The following MRTFB variants were observed in gnomAD, a reference collection of about 807,000 sequenced individuals.
MRTFB encodes myocardin related transcription factor B, also known as myocardin-related transcription factor B.
Under a neutral mutation model 104.2 loss-of-function variants are expected in MRTFB, and 29 were observed. That is an observed-to-expected ratio of 0.28 (90% CI 0.21 to 0.38). The LOEUF (loss-of-function observed/expected upper bound fraction) is 0.38. Ranked by LOEUF, MRTFB falls within the 10% of genes least tolerant of loss-of-function variation. The probability of loss-of-function intolerance (pLI) is 1.00; values close to 1 mark genes in which losing one functional copy is unlikely to be tolerated. For missense variants in MRTFB, 1,270 were observed against 1,341.6 expected (o/e 0.95, Z 0.83); for synonymous variants, 535 against 519.5 (o/e 1.03, Z -0.41).
intron 10 of MRTFB, among the ~76,000 whole-genome samples, chr16:14,243,968 C>G (rs2042901933): frequency 6.6e-6 from 1 of 151,484 alleles, no homozygotes; most frequent in African/African-American, 2.4e-5. Context: ...CACACCACCT[C>G]CAGGGTTCAC....
rs529180581 is a variant in MRTFB, at chr16:14,087,214, T to G, written c.-64+7860T>G. Reference sequence around the variant, plus strand: ...CAAGAGTATTCTCATCTCAAAGTCTTAAGAGTAGAGTTTGGAAAGGGGAGG... The same window carrying G: ...CAAGAGTATTCTCATCTCAAAGTCTGAAGAGTAGAGTTTGGAAAGGGGAGG... On this transcript the variant is annotated intron_variant, in intron 2 of 16. Transcript: ENST00000571589. Among the ~76,000 whole-genome samples, 15 of 152,236 alleles carry G rather than the reference T, an allele frequency of 9.9e-5. No individual in the cohort carries two copies. In the South Asian group the frequency reaches 2.9e-3, roughly 30 times the overall value.
intron 15 of MRTFB, among the ~76,000 whole-genome samples, chr16:14,254,200 C>T (rs115375019): frequency 6.6e-6 from 1 of 152,196 alleles, no homozygotes; most frequent in Admixed American, 6.5e-5. Flanking sequence ...GAGCACCAAA[C>T]TTCGTTTAAA....
chr16:14,038,733 C>T, the MRTFB span, among the ~76,000 whole-genome samples: 1 of 152,178 alleles, frequency 6.6e-6, no homozygotes, highest in Non-Finnish European at 1.5e-5. Context: ...TCAGAAGCAA[C>T]TTGGCTGGCT....
At chr16:14,066,525 G>C (rs1309690101), upstream of MRTFB, among the ~76,000 whole-genome samples, 1 of 151,922 alleles carries the variant, frequency 6.6e-6, no homozygotes, top group Non-Finnish European at 1.5e-5. Flanking sequence ...TGCCCACCTC[G>C]GCCTCCCAAA....
chr16:14,091,920 G>C (rs1031389408), intron 2 of MRTFB, among the ~76,000 whole-genome samples: 4 of 150,280 alleles, frequency 2.7e-5, no homozygotes, highest in African/African-American at 9.8e-5. Context: ...GCTTGAACCC[G>C]GGAGGCGGAG....
rs912552269 is a variant in MRTFB at position 14,174,544 on chromosome 16, A to G, written c.154+33784A>G. The stretch of plus-strand genomic sequence containing the variant: ...CTAAAAATACAAAAATGAGCAGGGC[A>G]TGGTGGCGCACACCTGTAATCCCAG... On this transcript the variant is annotated intron_variant, in intron 3 of 16. Coordinates refer to ENST00000571589, the MANE Select transcript of MRTFB (RefSeq NM_001308142.2). Among the ~76,000 whole-genome samples, 11 of 152,156 alleles carry G rather than the reference A, an allele frequency of 7.2e-5. No individual in the cohort carries two copies. In the East Asian group the frequency reaches 1.9e-3, roughly 27 times the overall value.
chr16:14,255,200 C>T (rs1179435678), intron 15 of MRTFB, among the ~76,000 whole-genome samples: 1 of 152,104 alleles, frequency 6.6e-6, no homozygotes, highest in Non-Finnish European at 1.5e-5. Context: ...GAAGAGAAGT[C>T]CCAGAAGAAG....
intron 2 of MRTFB, among the ~76,000 whole-genome samples, chr16:14,086,555 A>G (rs896167849): frequency 3.3e-5 from 5 of 152,308 alleles, no homozygotes; most frequent in African/African-American, 1.2e-4. Context: ...AAGTTTTTTT[A>G]GACTTTAAAA....
Position 14,182,926 on chromosome 16 carries a change from A to G in MRTFB, c.155-27317A>G, listed in dbSNP as rs181263652. Among the ~76,000 whole-genome samples the G allele has an allele frequency of 4.6e-3, 701 of 152,236 alleles. 5 individuals carry two copies. The highest frequency in any genetic ancestry group is 8.5e-3 in the Non-Finnish European group (581 of 68,010). On this transcript the variant is annotated intron_variant, in intron 3 of 16. Coordinates refer to ENST00000571589, the MANE Select transcript of MRTFB (RefSeq NM_001308142.2). The stretch of plus-strand genomic sequence containing the variant: ...CATGTAAAGAGAATTTTTTTTTCTT[A>G]TAGTAGGATGTGCCACTAATAAATG...
intron 6 of MRTFB, among the ~76,000 whole-genome samples, chr16:14,215,234 G>A (rs1262484420): frequency 8.5e-5 from 13 of 152,118 alleles, no homozygotes; most frequent in Non-Finnish European, 1.9e-4. Context: ...CTGTATTTAT[G>A]AATTAACCAT....
chr16:14,194,574 G>T (rs8056542), intron 3 of MRTFB, among the ~76,000 whole-genome samples: 22,034 of 152,166 alleles, frequency 0.14, 3,836 homozygotes, highest in African/African-American at 0.42. Context: ...ACTTTTTCTA[G>T]TGGTATTTTA....
intron 1 of MRTFB, among the ~76,000 whole-genome samples, chr16:14,076,082 T>C (rs931409335): frequency 2.0e-5 from 3 of 152,060 alleles, no homozygotes; most frequent in South Asian, 2.1e-4. Context: ...CTATATATAC[T>C]CTTTTTATAT....
intron 2 of MRTFB, among the ~76,000 whole-genome samples, chr16:14,138,079 T>G (rs536257421): frequency 5.9e-5 from 9 of 152,286 alleles, no homozygotes; most frequent in Non-Finnish European, 1.3e-4. Context: ...CTCAGTCTAC[T>G]TAAAGTTAAA....
At chr16:14,190,855 AGTTACAG>A (rs990378146) in intron 3 of MRTFB, among the ~76,000 whole-genome samples, 2 of 152,126 alleles carry the variant, frequency 1.3e-5, no homozygotes, top group African/African-American at 4.8e-5. Flanking sequence ...AGTGGGGAGG[AGTTACAG>A]ACTTGGGGGG....
chr16:14,251,435 T>C (rs2043252426), intron 13 of MRTFB, among the ~76,000 whole-genome samples: 1 of 136,880 alleles, frequency 7.3e-6, no homozygotes, highest in Non-Finnish European at 1.6e-5. Context: ...TAGAGAGGAA[T>C]AGAAGAAATT....
chr16:14,002,792 T>C, the MRTFB span, among the ~76,000 whole-genome samples: 1 of 152,122 alleles, frequency 6.6e-6, no homozygotes, highest in Non-Finnish European at 1.5e-5. Context: ...ATTCTGGGAA[T>C]TATTCCTAAA....
Position 14,261,996 on chromosome 16 carries a change from T to G in MRTFB, c.*552T>G, listed in dbSNP as rs1478894456. The G allele has an allele frequency of 6.6e-6, 1 of 152,286 alleles. No homozygotes were observed. The highest frequency in any genetic ancestry group is 1.9e-4 in the East Asian group (1 of 5,206). 9.4% of individuals were successfully genotyped at this position (152,286 alleles called of 1,614,324 possible). On this transcript the variant is annotated 3_prime_UTR_variant, in exon 17 of 17. Transcript: ENST00000571589. ...GTGACAGCTTCTGGCTGAAGACTTT[T>G]GGTTCTATTCAGAAACCTGTGTCGT...
At chr16:14,259,583 A>C (rs1386178208) in intron 16 of MRTFB, among the ~76,000 whole-genome samples, 1 of 152,072 alleles carries the variant, frequency 6.6e-6, no homozygotes, top group Non-Finnish European at 1.5e-5. Context: ...CAACATGGTG[A>C]AACTAAAAAT....
At chr16:14,220,480 CT>C (rs1567182225) in intron 8 of MRTFB, among the ~76,000 whole-genome samples, 4 of 152,312 alleles carry the variant, frequency 2.6e-5, no homozygotes, top group Admixed American at 6.5e-5. Context: ...CCTTGTATTG[CT>C]GGTACTACTG....
Sources: gnomAD v4.1 joint callset for allele counts (sites outside exome capture counted in the v4.1 genomes callset) on GRCh38, gnomAD v4.1.1 for gene constraint, MANE v1.5 for transcripts, NCBI Gene and HGNC (gene_info 2026-07-23, HGNC 2026-07-21) for gene names.